Variants in PAK5 observed in about 807,000 individuals in gnomAD.
PAK5 encodes the protein serine/threonine-protein kinase PAK 5.
A neutral mutation model predicts 65.9 loss-of-function variants in PAK5; 16 were observed. That is an observed-to-expected ratio of 0.24 (90% CI 0.16 to 0.37). The LOEUF (loss-of-function observed/expected upper bound fraction) is 0.37, where lower values mean the gene tolerates loss of function less well. PAK5 is among the 10% of genes least tolerant of loss of function. The probability of loss-of-function intolerance (pLI) is 1.00; values close to 1 mark genes in which losing one functional copy is unlikely to be tolerated. For synonymous variants in PAK5, 371 were observed against 354.9 expected (o/e 1.05, Z -0.51); for missense variants, 785 against 903.9 (o/e 0.87, Z 1.69).
chr20:9,830,926 C>CT (rs1378521186), intron 1 of PAK5, among the ~76,000 whole-genome samples: 2 of 152,244 alleles, frequency 1.3e-5, no homozygotes, highest in African/African-American at 4.8e-5. Flanking sequence ...TTTCTGTTGT[C>CT]TTTTTTTGGT....
At chr20:9,695,742 A>T (rs2047860222) in intron 2 of PAK5, among the ~76,000 whole-genome samples, 1 of 152,108 alleles carries the variant, frequency 6.6e-6, no homozygotes, top group South Asian at 2.1e-4. Context: ...TACTGTTGAG[A>T]AGCTATTTAC....
intron 1 of PAK5, among the ~76,000 whole-genome samples, chr20:9,767,680 G>T (rs986257913): frequency 1.2e-4 from 18 of 152,114 alleles, no homozygotes; most frequent in Non-Finnish European, 2.9e-5. Flanking sequence ...ACCTTCTCTG[G>T]TTCTTCAGTC....
intron 2 of PAK5, among the ~76,000 whole-genome samples, chr20:9,692,343 GA>G (rs140062273): frequency 0.067 from 10,168 of 152,230 alleles, 470 homozygotes; most frequent in East Asian, 0.17. Context: ...CCTTCCGTAT[GA>G]AAATGCAAAT....
chr20:9,809,163 C>CAAA (rs1473877772), intron 1 of PAK5, among the ~76,000 whole-genome samples: 4 of 152,062 alleles, frequency 2.6e-5, no homozygotes, highest in Non-Finnish European at 5.9e-5. Context: ...AGCCAACATT[C>CAAA]TGAGCCTTTA....
intron 4 of PAK5, among the ~76,000 whole-genome samples, chr20:9,574,523 A>G (rs1603223564): frequency 6.6e-6 from 1 of 152,220 alleles, no homozygotes; most frequent in Admixed American, 6.5e-5. Flanking sequence ...GCAGCCTCAG[A>G]ATATTGTTCA....
chr20:9,682,153 C>G (rs534236835), intron 2 of PAK5, among the ~76,000 whole-genome samples: 6 of 152,156 alleles, frequency 3.9e-5, no homozygotes, highest in African/African-American at 1.4e-4. Context: ...GTCAGGAGAT[C>G]GAGACCATCC....
At chr20:9,566,489 T>A in intron 4 of PAK5, 105 bp from the exon 5 acceptor site, 1 of 1,144,128 alleles carries the variant, frequency 8.7e-7, no homozygotes, top group Non-Finnish European at 1.3e-6. Flanking sequence ...GGATCACCAG[T>A]GGGAGATGAG....
intron 6 of PAK5, among the ~76,000 whole-genome samples, chr20:9,561,269 G>A (rs2045586480): frequency 6.6e-6 from 1 of 152,126 alleles, no homozygotes; most frequent in Non-Finnish European, 1.5e-5. Context: ...AAATAAGAAT[G>A]GAAAGGAACC....
chr20:9,544,254 A>G (rs1267073907), intron 8 of PAK5, 115 bp downstream of exon 8: 3 of 1,137,110 alleles, frequency 2.6e-6, no homozygotes, highest in African/African-American at 1.5e-5. Context: ...GTGGGGATCA[A>G]ATGTGGAGCT....
intron 1 of PAK5, among the ~76,000 whole-genome samples, chr20:9,782,991 A>G (rs1160431670): frequency 2.7e-5 from 4 of 148,250 alleles, no homozygotes; most frequent in African/African-American, 1.0e-4. Flanking sequence ...GTGTAATGGC[A>G]TGATGTCGGC....
chr20:9,688,117 G>A (rs1324224784), intron 2 of PAK5, among the ~76,000 whole-genome samples: 2 of 152,054 alleles, frequency 1.3e-5, no homozygotes, highest in African/African-American at 4.8e-5. Flanking sequence ...GACGGAAATA[G>A]TCTAAAACTG....
At chr20:9,792,079 G>C (rs2049055832) in intron 1 of PAK5, among the ~76,000 whole-genome samples, 1 of 152,104 alleles carries the variant, frequency 6.6e-6, no homozygotes, top group Non-Finnish European at 1.5e-5. Flanking sequence ...GCACCTTGAG[G>C]GGTGACTCAA....
In PAK5 at chr20:9,838,324, A is replaced by G; in HGVS notation, c.-162+438T>C. 6.6e-6 allele frequency among the ~76,000 whole-genome samples: 1 copy of G among 152,128 alleles called. No homozygotes were observed. Among genetic ancestry groups the G allele is most frequent in the African/African-American group, 2.4e-5 (1 of 41,426 alleles). ...ACCATGCGGGAATCCTGCTCTGGCA[A>G]TATGTCCAACACTTCTCGGGAAAAG... On this transcript the variant is annotated intron_variant, in intron 1 of 9. Coordinates refer to ENST00000353224, the MANE Select transcript of PAK5 (RefSeq NM_177990.4). This position sits in a 1 kb window ranked among gnomAD's most constrained non-coding sequence, Gnocchi z 4.5.
intron 1 of PAK5, among the ~76,000 whole-genome samples, chr20:9,747,364 CG>C (rs2048520683): frequency 6.6e-6 from 1 of 151,870 alleles, no homozygotes; most frequent in Non-Finnish European, 1.5e-5. Flanking sequence ...ATACCAAAGC[CG>C]GGCAGAGACA....
intron 1 of PAK5, among the ~76,000 whole-genome samples, chr20:9,735,399 G>A (rs2048377586): frequency 6.6e-6 from 1 of 152,128 alleles, no homozygotes. Flanking sequence ...AGCATGTGAG[G>A]AAACTACTTG....
chr20:9,676,108 T>C (rs879428827), intron 2 of PAK5, among the ~76,000 whole-genome samples: 8 of 152,104 alleles, frequency 5.3e-5, no homozygotes, highest in Non-Finnish European at 1.2e-4. Context: ...ACATCTTACA[T>C]GGATGGCAGC....
intron 1 of PAK5, among the ~76,000 whole-genome samples, chr20:9,802,190 TCATGGAGTCC>T (rs773098231): frequency 1.3e-5 from 2 of 152,126 alleles, no homozygotes; most frequent in Non-Finnish European, 2.9e-5. Flanking sequence ...AAGTGGGATC[TCATGGAGTCC>T]CATGCTTTGG....
In PAK5 at chr20:9,619,872, G is replaced by A. The variant is rs117825962; in HGVS notation, c.204+24253C>T. On this transcript the variant is annotated intron_variant, in intron 3 of 9. Coordinates refer to ENST00000353224, the MANE Select transcript of PAK5 (RefSeq NM_177990.4). ...TCAGTGCTCTCAACCAATCATCAGT[G>A]CTCTCAGACAATCATCAGTGCTCTC... Among the ~76,000 whole-genome samples the A allele has an allele frequency of 2.4e-4, 36 of 152,288 alleles. 1 individual carries two copies. The East Asian group carries it at 6.7e-3, about 29-fold the overall frequency.
At chr20:9,592,937 C>G (rs1197052988) in intron 3 of PAK5, among the ~76,000 whole-genome samples, 1 of 152,126 alleles carries the variant, frequency 6.6e-6, no homozygotes, top group Admixed American at 6.6e-5. Context: ...ATCAGAGATA[C>G]AAGCCCGTAG....
Sources: allele counts gnomAD v4.1 joint callset (sites outside exome capture counted in the v4.1 genomes callset), GRCh38; gene constraint gnomAD v4.1.1; non-coding constraint Gnocchi (gnomAD v3.1); transcripts MANE v1.5; gene names NCBI Gene and HGNC (gene_info 2026-07-23, HGNC 2026-07-21).